GFPT2: variants seen among roughly 807,000 people sequenced by gnomAD.
GFPT2 encodes the protein glutamine--fructose-6-phosphate aminotransferase [isomerizing] 2.
Under a neutral mutation model 85.6 loss-of-function variants are expected in GFPT2, and 62 were observed. The observed-to-expected ratio is 0.72, with a 90% CI of 0.59 to 0.90. GFPT2 has a LOEUF of 0.90. GFPT2 is among the 40% of genes least tolerant of loss of function. The probability of loss-of-function intolerance (pLI) is 0.00; values close to 1 mark genes in which losing one functional copy is unlikely to be tolerated. For synonymous variants in GFPT2, 368 were observed against 344.5 expected, an observed-to-expected ratio of 1.07 and a Z score of -0.75; for missense variants, 788 against 893.4, an observed-to-expected ratio of 0.88 and a Z score of 1.50.
At position 180,335,827 on chromosome 5, in the gene GFPT2, C is replaced by T; in HGVS notation, c.340+1G>A. 6.2e-7 allele frequency: 1 copy of T among 1,601,670 alleles called. No individual in the cohort carries two copies. The highest frequency in any genetic ancestry group is 8.5e-7 in the Non-Finnish European group (1 of 1,175,556). ...TGGGGACGGGGAAGCATGCCACATA[C>T]CGTTGCCTTTGTCTGAGCGCTGAGG... On this transcript the variant is annotated splice_donor_variant, in intron 4 of 18. Transcript: ENST00000253778. LOFTEE classifies it high-confidence loss of function.
chr5:180,303,979 C>A (rs751582210), intron 17 of GFPT2, among the ~76,000 whole-genome samples: 3 of 152,172 alleles, frequency 2.0e-5, no homozygotes, highest in Non-Finnish European at 4.4e-5. Flanking sequence ...GACCTCCCAA[C>A]CTCCAAGGAC....
In GFPT2 at chr5:180,307,144, C is replaced by T. The variant is rs772075555; in HGVS notation, c.1674+32G>A. On this transcript the variant is annotated intron_variant, in intron 16 of 18. Transcript: ENST00000253778. ...CTCAGGGTCTCCTGTGCCTGTCCTCCGTGGGGGTGGGGGCTGGGGGTGGGG... is the reference window on the plus strand; with the variant it reads ...CTCAGGGTCTCCTGTGCCTGTCCTCTGTGGGGGTGGGGGCTGGGGGTGGGG... The T allele has an allele frequency of 9.7e-6, 11 of 1,132,322 alleles. 1 individual carries two copies. The highest frequency in any genetic ancestry group is 2.6e-5 in the South Asian group (2 of 76,698). 70.1% of individuals were successfully genotyped at this position (1,132,322 alleles called of 1,614,324 possible).
At chr5:180,331,249 T>C (rs898505715) in intron 5 of GFPT2, among the ~76,000 whole-genome samples, 1 of 152,240 alleles carries the variant, frequency 6.6e-6, no homozygotes, top group Non-Finnish European at 1.5e-5. Flanking sequence ...GAAGCTCCTG[T>C]TATTTTGATT....
intron 13 of GFPT2, among the ~76,000 whole-genome samples, chr5:180,315,713 C>T (rs989611889): frequency 4.6e-5 from 7 of 152,212 alleles, no homozygotes; most frequent in African/African-American, 1.4e-4. Flanking sequence ...AAATCTTCCA[C>T]GAGCTCAAGG....
At chr5:180,346,526 C>T (rs1025052923) in intron 1 of GFPT2, among the ~76,000 whole-genome samples, 12 of 152,340 alleles carry the variant, frequency 7.9e-5, no homozygotes, top group African/African-American at 1.9e-4. Flanking sequence ...ATCCCTCTCT[C>T]GTCTTCTCTG....
intron 1 of GFPT2, among the ~76,000 whole-genome samples, chr5:180,351,469 G>A (rs563198154): frequency 4.6e-5 from 7 of 151,054 alleles, no homozygotes; most frequent in Admixed American, 4.6e-4. Context: ...ATTCTGAGAA[G>A]GCACCTAAGC....
intron 6 of GFPT2, among the ~76,000 whole-genome samples, chr5:180,329,272 TC>T (rs1455635534): frequency 6.6e-6 from 1 of 152,102 alleles, no homozygotes; most frequent in African/African-American, 2.4e-5. Context: ...TGAGTCACCG[TC>T]CCCAGGCCTC....
At chr5:180,320,921 A>T (rs535280971) in intron 9 of GFPT2, among the ~76,000 whole-genome samples, 6 of 152,344 alleles carry the variant, frequency 3.9e-5, no homozygotes, top group Admixed American at 3.3e-4. Context: ...AAGAAAGAGA[A>T]AGAAAGATGG....
chr5:180,347,029 C>T (rs1764622570), intron 1 of GFPT2, among the ~76,000 whole-genome samples: 1 of 152,206 alleles, frequency 6.6e-6, no homozygotes, highest in Non-Finnish European at 1.5e-5. Context: ...TGGGAGCAGT[C>T]TTATTTCTCA....
chr5:180,302,738 A>C (rs1462414945), intron 17 of GFPT2, among the ~76,000 whole-genome samples, 154 bp from the exon 18 acceptor site: 2 of 152,198 alleles, frequency 1.3e-5, no homozygotes, highest in African/African-American at 4.8e-5. Flanking sequence ...GTGGGACACA[A>C]ATGCTTGGAA....
chr5:180,338,063 T>C (rs1764437461), intron 2 of GFPT2, among the ~76,000 whole-genome samples: 1 of 152,202 alleles, frequency 6.6e-6, no homozygotes, highest in African/African-American at 2.4e-5. Context: ...AGCTTGAGGC[T>C]GCAGTGAGCC....
At chr5:180,321,137 G>A (rs1458671845) in intron 9 of GFPT2, among the ~76,000 whole-genome samples, 1 of 150,942 alleles carries the variant, frequency 6.6e-6, no homozygotes, top group Non-Finnish European at 1.5e-5. Flanking sequence ...TGTATGCTTT[G>A]TATAAAAGTA....
At chr5:180,305,352 G>A (rs983808123) in intron 16 of GFPT2, among the ~76,000 whole-genome samples, 2 of 152,324 alleles carry the variant, frequency 1.3e-5, no homozygotes, top group African/African-American at 2.4e-5. Flanking sequence ...ATCTGATTAA[G>A]CATTTGCCCA....
rs1305889877 is a variant in GFPT2, at chr5:180,316,749, A to G, written c.1152+15T>C. 17 of 1,573,354 alleles carry G rather than the reference A, an allele frequency of 1.1e-5. No homozygotes were observed. Among genetic ancestry groups the G allele is most frequent in the Non-Finnish European group, 1.5e-5 (17 of 1,143,706 alleles). On this transcript the variant is annotated intron_variant, in intron 12 of 18. Coordinates refer to ENST00000253778, the MANE Select transcript of GFPT2 (RefSeq NM_005110.4). ...GACTGCCGTCGACTTCCCCACGCAC[A>G]TGTGTCACACTTACAGCCACGGCAG...
Position 180,337,322 on chromosome 5 carries a change from G to C in GFPT2, c.116-745C>G, listed in dbSNP as rs578102323. On this transcript the variant is annotated intron_variant, in intron 2 of 18. Coordinates refer to ENST00000253778, the MANE Select transcript of GFPT2 (RefSeq NM_005110.4). ...ACAAAAATTAGCAGGGTGTGGTGGT[G>C]GGCGCCTGTAGTCCCAGCTACTCGG... 7.9e-5 allele frequency among the ~76,000 whole-genome samples: 12 copies of C among 152,154 alleles called. No homozygotes were observed. In the East Asian group the frequency reaches 2.3e-3, roughly 30 times the overall value.
rs1468847028 is a variant in GFPT2, at chr5:180,313,789, G to T, written c.1431+18C>A. The T allele has an allele frequency of 6.5e-7, 1 of 1,534,896 alleles. No homozygotes were observed. The highest frequency in any genetic ancestry group is 8.7e-7 in the Non-Finnish European group (1 of 1,144,918). Reference sequence around the variant, plus strand: ...CCGCCAGGCTCTCCCTGGGACGGGCGCCCGTGGCTCCTCCTACCTTGGTGC... The same window carrying T: ...CCGCCAGGCTCTCCCTGGGACGGGCTCCCGTGGCTCCTCCTACCTTGGTGC... On this transcript the variant is annotated intron_variant, in intron 14 of 18. Coordinates refer to ENST00000253778, the MANE Select transcript of GFPT2 (RefSeq NM_005110.4).
At chr5:180,342,198 T>C (rs932141057) in intron 1 of GFPT2, among the ~76,000 whole-genome samples, 7 of 152,158 alleles carry the variant, frequency 4.6e-5, no homozygotes, top group Non-Finnish European at 1.0e-4. Context: ...ATTAACCCTC[T>C]TTCTTTCGTA....
chr5:180,326,953 G>C (rs563663404), intron 7 of GFPT2, among the ~76,000 whole-genome samples: 1 of 151,946 alleles, frequency 6.6e-6, no homozygotes. Flanking sequence ...TTTTAAAAAG[G>C]GCTTCTAAAT....
chr5:180,352,629 G>C (rs1395912591), intron 1 of GFPT2: 2 of 448,844 alleles, frequency 4.5e-6, no homozygotes, highest in Non-Finnish European at 8.9e-6. Context: ...TAACGCGGCA[G>C]CGACCCTTCT....
Sources: allele counts gnomAD v4.1 joint callset (sites outside exome capture counted in the v4.1 genomes callset), GRCh38; gene constraint gnomAD v4.1.1; transcripts MANE v1.5; gene names NCBI Gene and HGNC (gene_info 2026-07-23, HGNC 2026-07-21).